ATP9A: variants seen among roughly 807,000 people sequenced by gnomAD.
The protein encoded by ATP9A is probable phospholipid-transporting ATPase IIA.
ATP9A carries 52 observed loss-of-function variants against 144.1 expected under a neutral mutation model. The observed-to-expected ratio is 0.36, with a 90% CI of 0.29 to 0.45. The LOEUF (loss-of-function observed/expected upper bound fraction) is 0.45. Among genes scored for constraint, ATP9A ranks in the 20% least tolerant of loss-of-function variants. The probability of loss-of-function intolerance (pLI) is 1.00; values close to 1 mark genes in which losing one functional copy is unlikely to be tolerated. For synonymous variants in ATP9A, 582 were observed against 557.4 expected (o/e 1.04, Z -0.62); for missense variants, 947 against 1,392.7 (o/e 0.68, Z 5.09).
intron 4 of ATP9A, 48 bp from the exon 5 acceptor site, chr20:51,697,530 A>G: frequency 1.3e-6 from 2 of 1,576,464 alleles, no homozygotes; most frequent in Non-Finnish European, 1.7e-6. Flanking sequence ...ATTCATTTCA[A>G]TTCAACACGT....
chr20:51,767,897 G>A (rs1300982073), intron 1 of ATP9A, among the ~76,000 whole-genome samples: 4 of 152,338 alleles, frequency 2.6e-5, no homozygotes, highest in South Asian at 2.1e-4. Flanking sequence ...TGCTCCAAGC[G>A]CAGAGCTCGG....
At chr20:51,750,581 G>A (rs1019986450) in intron 1 of ATP9A, among the ~76,000 whole-genome samples, 43 of 152,120 alleles carry the variant, frequency 2.8e-4, no homozygotes, top group Non-Finnish European at 7.4e-5. Flanking sequence ...TGTGCCAAGC[G>A]CTGTGGCAAA....
intron 15 of ATP9A, among the ~76,000 whole-genome samples, chr20:51,638,980 T>C (rs1052934693): frequency 6.6e-6 from 1 of 152,148 alleles, no homozygotes; most frequent in Non-Finnish European, 1.5e-5. Flanking sequence ...ACACTGTGAA[T>C]GGACTAAATG....
intron 4 of ATP9A, among the ~76,000 whole-genome samples, chr20:51,706,207 A>C (rs1601116969): frequency 1.3e-5 from 2 of 152,280 alleles, no homozygotes; most frequent in South Asian, 4.1e-4. Context: ...AGTTGTTGAG[A>C]TATTATATGC....
intron 14 of ATP9A, among the ~76,000 whole-genome samples, chr20:51,650,557 AAT>A (rs1216419389): frequency 1.3e-5 from 2 of 151,934 alleles, no homozygotes; most frequent in East Asian, 1.9e-4. Context: ...AAAAATAAAA[AAT>A]ATATATATAT....
intron 10 of ATP9A, 55 bp from the exon 11 acceptor site, chr20:51,674,368 A>C: frequency 2.5e-6 from 4 of 1,583,348 alleles, no homozygotes; most frequent in Non-Finnish European, 3.4e-6. Context: ...ACTAATCTCA[A>C]ACCTAAACCA....
Position 51,642,726 on chromosome 20 carries a change from C to CAAAA in ATP9A, c.1507-3226_1507-3223dup, listed in dbSNP as rs778440862. Among the ~76,000 whole-genome samples, 70 of 31,136 alleles carry CAAAA rather than the reference C, an allele frequency of 2.2e-3. 9 individuals are homozygous for CAAAA. Among genetic ancestry groups the CAAAA allele is most frequent in the Non-Finnish European group, 3.9e-3 (52 of 13,448 alleles). The allele number at this position is 31,136 out of a possible 152,430, so 20.4% of individuals were successfully genotyped here. On this transcript the variant is annotated intron_variant, in intron 14 of 27. Coordinates refer to ENST00000338821, the MANE Select transcript of ATP9A (RefSeq NM_006045.3). ...GGGTGACTGAGTGAGACTCTGTCTC[C>CAAAA]AAAAAAAAAAAAAAAAAAAAAAAAA... is the stretch of plus-strand genomic sequence containing the variant.
intron 22 of ATP9A, among the ~76,000 whole-genome samples, chr20:51,615,167 T>A (rs1234212400): frequency 6.6e-6 from 1 of 152,058 alleles, no homozygotes; most frequent in South Asian, 2.1e-4. Flanking sequence ...TCTAAAGAGA[T>A]CCAGCTGAAA....
intron 13 of ATP9A, among the ~76,000 whole-genome samples, chr20:51,659,705 C>T (rs934577439): frequency 6.6e-6 from 1 of 152,090 alleles, no homozygotes; most frequent in East Asian, 1.9e-4. Context: ...CCATGACACC[C>T]GATTGCCCAA....
intron 15 of ATP9A, among the ~76,000 whole-genome samples, chr20:51,636,960 G>A (rs1180136014): frequency 6.6e-6 from 1 of 152,122 alleles, no homozygotes; most frequent in Non-Finnish European, 1.5e-5. Flanking sequence ...GCATGGTGGC[G>A]CACGCCTGTA....
chr20:51,754,294 G>T (rs1243608117), intron 1 of ATP9A, among the ~76,000 whole-genome samples: 1 of 152,026 alleles, frequency 6.6e-6, no homozygotes, highest in Non-Finnish European at 1.5e-5. Context: ...CTGAGGTCGG[G>T]AGTTCAAGAC....
intron 8 of ATP9A, among the ~76,000 whole-genome samples, chr20:51,690,205 G>A (rs1016713950): frequency 2.0e-5 from 3 of 149,590 alleles, no homozygotes; most frequent in African/African-American, 7.4e-5. Flanking sequence ...CGGATCACAA[G>A]GTCAGGGGAT....
chr20:51,731,544 C>T (rs1274351385), intron 1 of ATP9A, among the ~76,000 whole-genome samples: 3 of 151,786 alleles, frequency 2.0e-5, no homozygotes, highest in Non-Finnish European at 4.4e-5. Flanking sequence ...CATGGTGAAA[C>T]CCCATCTCTA....
At chr20:51,728,047 C>T (rs2077723287) in intron 2 of ATP9A, among the ~76,000 whole-genome samples, 1 of 152,066 alleles carries the variant, frequency 6.6e-6, no homozygotes, top group Non-Finnish European at 1.5e-5. Flanking sequence ...TGGCATGCAC[C>T]CGAGAGTCAG....
intron 9 of ATP9A, among the ~76,000 whole-genome samples, chr20:51,684,041 C>G (rs942362897): frequency 4.6e-5 from 7 of 152,144 alleles, no homozygotes; most frequent in Non-Finnish European, 1.0e-4. Context: ...AAAACTTAGC[C>G]AGGCATGGTG....
chr20:51,601,494 T>C lies in ATP9A; in HGVS notation c.3008-147A>G, dbSNP rs112580463. ...TCCTGGCATTGGCCCTCTTTCTCCA[T>C]GGACTGTAAGGGAAGGTACCATGGC... On this transcript the variant is annotated intron_variant, in intron 27 of 27. Transcript: ENST00000338821. 5.6e-5 allele frequency: 47 copies of C among 846,132 alleles called. 1 individual carries two copies. In the African/African-American group the frequency reaches 6.7e-4, roughly 12 times the overall value. 52.4% of individuals were successfully genotyped at this position (846,132 alleles called of 1,614,324 possible). A position where few individuals can be genotyped will look rare whatever the true frequency, so the allele number is the denominator to read the frequency against.
Position 51,601,097 on chromosome 20 carries a change from G to T in ATP9A, c.*114C>A, listed in dbSNP as rs1329647690. ...CGCAGAGCCACTTCCCATTAAAACT[G>T]CATGTGTTAGCAATTACTGCAAAAT... On this transcript the variant is annotated 3_prime_UTR_variant, in exon 28 of 28. Transcript: ENST00000338821. The T allele has an allele frequency of 1.5e-6, 2 of 1,305,648 alleles. No homozygotes were observed. The highest frequency in any genetic ancestry group is 1.5e-5 in the African/African-American group (1 of 67,066). The allele number at this position is 1,305,648 out of a possible 1,614,324, so 80.9% of individuals were successfully genotyped here.
At chr20:51,641,106 C>T (rs1409128072) in intron 14 of ATP9A, among the ~76,000 whole-genome samples, 1 of 152,050 alleles carries the variant, frequency 6.6e-6, no homozygotes, top group African/African-American at 2.4e-5. Context: ...TGTCTGTAAT[C>T]CCAGAACTTT....
chr20:51,679,894 T>C (rs1394378711), intron 9 of ATP9A, among the ~76,000 whole-genome samples: 2 of 151,956 alleles, frequency 1.3e-5, no homozygotes, highest in Non-Finnish European at 2.9e-5. Context: ...GTGATCAGAG[T>C]AGTCGTCTCA....
Sources: allele counts gnomAD v4.1 joint callset (sites outside exome capture counted in the v4.1 genomes callset), GRCh38; gene constraint gnomAD v4.1.1; transcripts MANE v1.5; gene names NCBI Gene and HGNC (gene_info 2026-07-23, HGNC 2026-07-21).